The following SMAD3 variants were observed in gnomAD, a reference collection of about 807,000 sequenced individuals.
SMAD3 encodes the protein MAD homolog 3.
A neutral mutation model predicts 51.8 loss-of-function variants in SMAD3; 12 were observed. That is an observed-to-expected ratio of 0.23 (90% CI 0.15 to 0.38). SMAD3 has a LOEUF of 0.38. Among genes scored for constraint, SMAD3 ranks in the 10% least tolerant of loss-of-function variants. The probability of loss-of-function intolerance (pLI) is 1.00; values close to 1 mark genes in which losing one functional copy is unlikely to be tolerated. For synonymous variants in SMAD3, 238 were observed against 227.7 expected (o/e 1.05, Z -0.41); for missense variants, 294 against 565.6 (o/e 0.52, Z 4.87).
intron 3 of SMAD3, among the ~76,000 whole-genome samples, chr15:67,165,678 T>G (rs1962565428): frequency 6.6e-6 from 1 of 152,218 alleles, no homozygotes; most frequent in Non-Finnish European, 1.5e-5. Context: ...CAACACTGTT[T>G]CTCTCACCGC....
chr15:67,179,225 T>A (rs2140311586), intron 5 of SMAD3, among the ~76,000 whole-genome samples: 1 of 152,312 alleles, frequency 6.6e-6, no homozygotes, highest in Non-Finnish European at 1.5e-5. Flanking sequence ...TTGTGCCCCA[T>A]GATCCAGTTA....
intron 1 of SMAD3, chr15:67,125,768 G>A (rs1462735771): frequency 1.7e-5 from 17 of 985,588 alleles, no homozygotes; most frequent in African/African-American, 5.2e-5. Flanking sequence ...CTGCTGCTGA[G>A]TTCACTGGTG....
chr15:67,188,904 C>G (rs1425556190), intron 8 of SMAD3, among the ~76,000 whole-genome samples: 1 of 152,224 alleles, frequency 6.6e-6, no homozygotes, highest in Non-Finnish European at 1.5e-5. Flanking sequence ...TGCTGTTCTT[C>G]TGTGTCTGCC....
chr15:67,081,099 C>T (rs1960271114), intron 1 of SMAD3, among the ~76,000 whole-genome samples: 1 of 152,208 alleles, frequency 6.6e-6, no homozygotes, highest in Admixed American at 6.5e-5. Context: ...AGAGCTTCAG[C>T]TGATACTACA....
chr15:67,116,467 C>T (rs757189719), intron 1 of SMAD3, among the ~76,000 whole-genome samples: 10 of 152,164 alleles, frequency 6.6e-5, no homozygotes, highest in Admixed American at 1.3e-4. Context: ...ACAGGGATAA[C>T]GGTGGCGCCC....
At chr15:67,105,366 C>G (rs1039664740) in intron 1 of SMAD3, among the ~76,000 whole-genome samples, 2 of 152,166 alleles carry the variant, frequency 1.3e-5, no homozygotes, top group Non-Finnish European at 2.9e-5. Context: ...CGCACCTCCA[C>G]GGCCACAGTG....
In SMAD3 at chr15:67,192,790, G is replaced by C. The variant is rs1412658174; in HGVS notation, c.*2254G>C. On this transcript the variant is annotated 3_prime_UTR_variant, in exon 9 of 9. Coordinates refer to ENST00000327367, the MANE Select transcript of SMAD3 (RefSeq NM_005902.4). ...AAAAAAAAAGCCTATACTTTGGCAG[G>C]TTATGAACTTTGAATGTGATGAAAT... 1 of 233,338 alleles carries C rather than the reference G, an allele frequency of 4.3e-6. No homozygotes were observed. The highest frequency in any genetic ancestry group is 8.5e-6 in the Non-Finnish European group (1 of 118,008). 14.5% of individuals were successfully genotyped at this position (233,338 alleles called of 1,614,324 possible).
At chr15:67,159,437 C>G (rs1196299339) in intron 1 of SMAD3, among the ~76,000 whole-genome samples, 1 of 152,078 alleles carries the variant, frequency 6.6e-6, no homozygotes, top group East Asian at 1.9e-4. Flanking sequence ...GTACAGTTAG[C>G]AAGTACTGAA....
chr15:67,155,879 C>T (rs1962269406), intron 1 of SMAD3, among the ~76,000 whole-genome samples: 1 of 151,726 alleles, frequency 6.6e-6, no homozygotes, highest in Non-Finnish European at 1.5e-5. Context: ...CCCAGCTACT[C>T]AGGAGGCTGA....
At chr15:67,097,950 G>A (rs192854864) in intron 1 of SMAD3, among the ~76,000 whole-genome samples, 1 of 152,236 alleles carries the variant, frequency 6.6e-6, no homozygotes, top group Non-Finnish European at 1.5e-5. Flanking sequence ...GTGTTTGAAG[G>A]TCTTCAAGGA....
intron 1 of SMAD3, among the ~76,000 whole-genome samples, chr15:67,089,275 T>G (rs1457743085): frequency 6.6e-6 from 1 of 152,174 alleles, no homozygotes; most frequent in African/African-American, 2.4e-5. Flanking sequence ...TACTGTTTTT[T>G]CTTTGAGCCT....
chr15:67,182,694 G>A (rs1333035816), intron 6 of SMAD3, among the ~76,000 whole-genome samples: 1 of 152,010 alleles, frequency 6.6e-6, no homozygotes. Flanking sequence ...TGTCTAGGGG[G>A]TTGGGGAGGG....
chr15:67,091,322 G>A (rs1675922964), intron 1 of SMAD3, among the ~76,000 whole-genome samples: 1 of 152,240 alleles, frequency 6.6e-6, no homozygotes, highest in Non-Finnish European at 1.5e-5. Context: ...GATAGGACCT[G>A]CCTCCACGGT....
chr15:67,181,730 A>G (rs1024662186), intron 6 of SMAD3, among the ~76,000 whole-genome samples: 3 of 152,148 alleles, frequency 2.0e-5, no homozygotes, highest in African/African-American at 2.4e-5. Context: ...ACAGAGGAAA[A>G]TAGTTCATCT....
intron 1 of SMAD3, among the ~76,000 whole-genome samples, chr15:67,159,809 G>A (rs373126201): frequency 2.5e-4 from 38 of 152,236 alleles, no homozygotes; most frequent in African/African-American, 8.4e-4. Context: ...CTTCTTTCAC[G>A]CAGCATCATT....
At chr15:67,164,702 G>T (rs1383839933) in intron 1 of SMAD3, among the ~76,000 whole-genome samples, 193 bp from the exon 2 acceptor site, 1 of 152,210 alleles carries the variant, frequency 6.6e-6, no homozygotes, top group Non-Finnish European at 1.5e-5. Flanking sequence ...TCCTCACGGG[G>T]CCTTTGTTGT....
chr15:67,120,556 G>A (rs1961235663), intron 1 of SMAD3, among the ~76,000 whole-genome samples: 2 of 152,188 alleles, frequency 1.3e-5, no homozygotes, highest in African/African-American at 4.8e-5. Flanking sequence ...GTGCTGTGGG[G>A]TGGTCTAGAA....
intron 1 of SMAD3, among the ~76,000 whole-genome samples, chr15:67,067,320 A>G (rs1347535359): frequency 1.1e-4 from 17 of 152,206 alleles, no homozygotes; most frequent in Admixed American, 1.1e-3. Flanking sequence ...AGAAGGGGTC[A>G]GTGACTTCAC....
intron 1 of SMAD3, among the ~76,000 whole-genome samples, chr15:67,108,612 C>T (rs1340015678): frequency 6.6e-6 from 1 of 152,310 alleles, no homozygotes; most frequent in East Asian, 1.9e-4. Context: ...GGTTATTCTT[C>T]TCACAGTCCC....
Sources: allele counts gnomAD v4.1 joint callset (sites outside exome capture counted in the v4.1 genomes callset), GRCh38; gene constraint gnomAD v4.1.1; transcripts MANE v1.5; gene names NCBI Gene and HGNC (gene_info 2026-07-23, HGNC 2026-07-21).